PHF2: variants seen among roughly 807,000 people sequenced by gnomAD.
PHF2 encodes the protein PHD finger protein 2, also known as lysine-specific demethylase PHF2.
Under a neutral mutation model 120.5 loss-of-function variants are expected in PHF2, and 27 were observed. The observed-to-expected ratio is 0.22, with a 90% CI of 0.17 to 0.31. The LOEUF (loss-of-function observed/expected upper bound fraction) is 0.31, where lower values mean the gene tolerates loss of function less well. Among genes scored for constraint, PHF2 ranks in the 10% least tolerant of loss-of-function variants. PHF2 has a pLI of 1.00. For missense variants in PHF2, 1,024 were observed against 1,434.8 expected (o/e 0.71, Z 4.63); for synonymous variants, 568 against 592.5 (o/e 0.96, Z 0.60).
chr9:93,676,705 ACGC>A lies in PHF2; in HGVS notation c.2946_2948del (p.Pro983del). 6.4e-7 allele frequency: 1 copy of A among 1,560,838 alleles called. No individual in the cohort carries two copies. The highest frequency in any genetic ancestry group is 8.7e-7 in the Non-Finnish European group (1 of 1,153,884). On this transcript the variant is annotated inframe_deletion, in exon 21 of 22. Transcript: ENST00000359246. ...TGCCGGCACCACCTCCACCTCCACC[ACGC>A]CAGCCTCTACCACCCCGGCCTCCAC...
chr9:93,577,353 C>T (rs1028695945), intron 1 of PHF2, among the ~76,000 whole-genome samples: 108 of 151,996 alleles, frequency 7.1e-4, no homozygotes, highest in African/African-American at 2.4e-3. Flanking sequence ...GCGCGGGTCC[C>T]GGGAGAGGCG....
intron 1 of PHF2, among the ~76,000 whole-genome samples, chr9:93,617,109 C>G (rs77586221): frequency 6.6e-6 from 1 of 152,176 alleles, no homozygotes; most frequent in Admixed American, 6.5e-5. Flanking sequence ...GTGGCATGGT[C>G]GGAGGGTGTC....
chr9:93,629,927 G>C lies in PHF2; in HGVS notation c.99-43G>C, dbSNP rs530092046. On this transcript the variant is annotated intron_variant, in intron 1 of 21. Coordinates refer to ENST00000359246, the MANE Select transcript of PHF2 (RefSeq NM_005392.4). ...TTCGCAGATGGAAAGTGCTTGAGGG[G>C]GTGCTGAATGCCTAGGTAATGGTCT... 4 of 1,574,468 alleles carry C rather than the reference G, an allele frequency of 2.5e-6. No individual in the cohort carries two copies. In the Admixed American group the frequency reaches 6.7e-5, roughly 26 times the overall value.
intron 12 of PHF2, among the ~76,000 whole-genome samples, chr9:93,661,772 G>A (rs1160030336): frequency 6.8e-6 from 1 of 146,026 alleles, no homozygotes; most frequent in East Asian, 2.1e-4. Context: ...AGATGGATGG[G>A]TAGATGGATA....
At chr9:93,630,488 C>T (rs954715798) in intron 2 of PHF2, among the ~76,000 whole-genome samples, 1 of 152,224 alleles carries the variant, frequency 6.6e-6, no homozygotes, top group Admixed American at 6.5e-5. Flanking sequence ...TTGGTGGGCT[C>T]TGTCCTCCCC....
At chr9:93,611,670 C>T (rs747604389) in intron 1 of PHF2, among the ~76,000 whole-genome samples, 1 of 152,048 alleles carries the variant, frequency 6.6e-6, no homozygotes, top group Non-Finnish European at 1.5e-5. Flanking sequence ...GCTACTATGC[C>T]TGGCGCTTTT....
At chr9:93,661,423 GTGGATGAATGGA>G (rs1390499609) in intron 12 of PHF2, among the ~76,000 whole-genome samples, 6 of 152,196 alleles carry the variant, frequency 3.9e-5, no homozygotes, top group Admixed American at 3.3e-4. Context: ...GAATGAATAG[GTGGATGAATGGA>G]TGGATGAATG....
In PHF2 at chr9:93,576,730, G is replaced by A. The variant is rs1862823541; in HGVS notation, c.-44G>A. The A allele has an allele frequency of 2.0e-6, 2 of 1,012,792 alleles. No homozygotes were observed. Among genetic ancestry groups the A allele is most frequent in the Non-Finnish European group, 2.5e-6 (2 of 811,268 alleles). 62.7% of individuals were successfully genotyped at this position (1,012,792 alleles called of 1,614,324 possible). A position where few individuals can be genotyped will look rare whatever the true frequency, so the allele number is the denominator to read the frequency against. The stretch of plus-strand genomic sequence containing the variant: ...CCCCCGGCCCGGCCCGGACCGACCC[G>A]GGCAGCGCAGCGGCGGGGCCGAGCG... On this transcript the variant is annotated 5_prime_UTR_variant, in exon 1 of 22. Transcript: ENST00000359246.
intron 1 of PHF2, among the ~76,000 whole-genome samples, chr9:93,580,056 A>C (rs755127764): frequency 9.2e-5 from 14 of 152,146 alleles, no homozygotes; most frequent in Non-Finnish European, 1.8e-4. Context: ...GGAAGTGTGG[A>C]GTAGAGGTCG....
rs1826618298 is a variant in PHF2 at position 93,663,561 on chromosome 9, G to C, written c.1863G>C (p.Lys621Asn). The C allele has an allele frequency of 6.2e-7, 1 of 1,613,426 alleles. No individual in the cohort carries two copies. Among genetic ancestry groups the C allele is most frequent in the Non-Finnish European group, 8.5e-7 (1 of 1,179,678 alleles). The change falls in exon 14 of 22, where the codon AAG (lysine) becomes AAC (asparagine). Residue 621 changes from lysine to asparagine, a missense_variant. Lys to Asn is a moderately conservative substitution (Grantham distance 94). Around this residue, in one of 2 missense-constraint regions of PHF2, gnomAD observed 677 missense variants for 857.4 expected, o/e 0.79. Coordinates refer to ENST00000359246, the MANE Select transcript of PHF2 (RefSeq NM_005392.4). ...DSLLKMEEEQ[K>N]LEKSPLAGNK... is the part of the protein sequence containing the mutation. ...TACTGAAGATGGAAGAGGAGCAGAA[G>C]CTAGAGAAGTCGCCTCTAGCTGGAA...
chr9:93,587,860 A>G (rs1175366604), intron 1 of PHF2, among the ~76,000 whole-genome samples: 1 of 152,140 alleles, frequency 6.6e-6, no homozygotes, highest in African/African-American at 2.4e-5. Flanking sequence ...CATTGGCCTC[A>G]CTGACCGTCC....
At chr9:93,589,767 CCT>C (rs761107208) in intron 1 of PHF2, among the ~76,000 whole-genome samples, 3 of 152,164 alleles carry the variant, frequency 2.0e-5, no homozygotes, top group Admixed American at 6.5e-5. Flanking sequence ...GTGCCTCTCC[CCT>C]GTCTCCCCGT....
At chr9:93,586,707 T>A (rs1863051209) in intron 1 of PHF2, among the ~76,000 whole-genome samples, 1 of 152,272 alleles carries the variant, frequency 6.6e-6, no homozygotes, top group African/African-American at 2.4e-5. Flanking sequence ...GCTTGGTTCC[T>A]TGTTCATGAG....
chr9:93,676,808 C>T lies in PHF2; in HGVS notation c.3047C>T (p.Ser1016Leu), dbSNP rs1399114984. Residue 1016 changes from serine (S) to leucine (L), a missense_variant, in exon 21 of 22, where the codon TCG (serine) becomes TTG (leucine). Ser to Leu is a moderately radical substitution (Grantham distance 145). Around this residue, in one of 2 missense-constraint regions of PHF2, gnomAD observed 677 missense variants for 857.4 expected, o/e 0.79. Coordinates refer to ENST00000359246, the MANE Select transcript of PHF2 (RefSeq NM_005392.4). ...EGSSPEPPPE[S>L]HSSSLADHEY... ...AGCTCGCCAGAGCCCCCGCCTGAGT[C>T]GCATAGCAGCAGCCTGGCGGACCAT... 1.9e-5 allele frequency: 29 copies of T among 1,554,398 alleles called. No individual in the cohort carries two copies. The highest frequency in any genetic ancestry group is 4.9e-5 in the East Asian group (2 of 41,192).
At chr9:93,633,957 C>T (rs960060300) in intron 2 of PHF2, among the ~76,000 whole-genome samples, 5 of 152,096 alleles carry the variant, frequency 3.3e-5, no homozygotes, top group Admixed American at 6.5e-5. Flanking sequence ...TGCATAACCA[C>T]GGGGCTGCCT....
rs182950947 is a variant in PHF2, at chr9:93,614,668, C to T, written c.99-15302C>T. Among the ~76,000 whole-genome samples, 72 of 152,298 alleles carry T rather than the reference C, an allele frequency of 4.7e-4. No individual in the cohort carries two copies. In the East Asian group the frequency reaches 7.3e-3, roughly 15 times the overall value. ...AAATGAAATGTCAACATTCTTTCCACGGAGATTCTGTTTTTTCTGTCCATG... is the reference window on the plus strand; with the variant it reads ...AAATGAAATGTCAACATTCTTTCCATGGAGATTCTGTTTTTTCTGTCCATG... On this transcript the variant is annotated intron_variant, in intron 1 of 21. Coordinates refer to ENST00000359246, the MANE Select transcript of PHF2 (RefSeq NM_005392.4).
At chr9:93,588,515 GTC>G (rs1863105162) in intron 1 of PHF2, among the ~76,000 whole-genome samples, 1 of 152,172 alleles carries the variant, frequency 6.6e-6, no homozygotes, top group Admixed American at 6.5e-5. Flanking sequence ...AGAGGCCCGA[GTC>G]TGTGGGACTC....
Position 93,677,486 on chromosome 9 carries a change from C to A in PHF2, c.3203-102C>A. The A allele has an allele frequency of 1.2e-6, 1 of 809,738 alleles. No individual in the cohort carries two copies. Among genetic ancestry groups the A allele is most frequent in the Non-Finnish European group, 2.1e-6 (1 of 476,718 alleles). The allele number at this position is 809,738 out of a possible 1,614,324, so 50.2% of individuals were successfully genotyped here. ...CATTTTACAGATGGGGGACTGCAGG[C>A]TGCCCCTTAGTGTCAGCGGGACCCT... On this transcript the variant is annotated intron_variant, in intron 21 of 21. Coordinates refer to ENST00000359246, the MANE Select transcript of PHF2 (RefSeq NM_005392.4). This position sits in a 1 kb window ranked among gnomAD's most constrained non-coding sequence, Gnocchi z 4.4.
At position 93,663,017 on chromosome 9, in the gene PHF2, G is replaced by T; in HGVS notation, c.1809G>T (p.Trp603Cys). The change falls in exon 13 of 22, where the codon TGG (tryptophan) becomes TGT (cysteine). Residue 603 changes from tryptophan to cysteine, a missense_variant. Trp to Cys is a radical substitution (Grantham distance 215, BLOSUM62 -2). Coordinates refer to ENST00000359246, the MANE Select transcript of PHF2 (RefSeq NM_005392.4). ...CCAAGAGCAAGTCAGAGGCCAAGTG[G>T]AAGTACAAGGTGAGAAGTGCACATA... The part of the protein sequence containing the change: ...EQTKSKSEAK[W>C]KYKNSKPDSL... 1 of 1,614,146 alleles carries T rather than the reference G, an allele frequency of 6.2e-7. No individual in the cohort carries two copies. The highest frequency in any genetic ancestry group is 8.5e-7 in the Non-Finnish European group (1 of 1,180,006).
Sources: allele counts gnomAD v4.1 joint callset (sites outside exome capture counted in the v4.1 genomes callset), GRCh38; gene constraint gnomAD v4.1.1; regional missense constraint gnomAD v4.1.1; non-coding constraint Gnocchi (gnomAD v3.1); transcripts MANE v1.5; gene names NCBI Gene and HGNC (gene_info 2026-07-23, HGNC 2026-07-21).